Variants in SPTBN1 observed in about 807,000 individuals in gnomAD.
SPTBN1 encodes spectrin beta, non-erythrocytic 1, also known as spectrin beta chain, non-erythrocytic 1.
In SPTBN1, 32 loss-of-function variants were observed where a neutral mutation model predicts 266.4. The ratio of observed to expected loss-of-function variants is 0.12; its 90% CI spans 0.09 to 0.16. SPTBN1 has a LOEUF of 0.16. SPTBN1 is among the 10% of genes least tolerant of loss of function. The pLI, the probability that SPTBN1 is intolerant of heterozygous loss-of-function variation, is 1.00. For synonymous variants in SPTBN1, 1,336 were observed against 1,162.2 expected (o/e 1.15, Z -3.04); for missense variants, 2,296 against 3,067.1 (o/e 0.75, Z 5.94).
rs1472907842 is a variant in SPTBN1, at chr2:54,473,334, C to CTT, written c.-48+16816_-48+16817insTT. On this transcript the variant is annotated intron_variant, in intron 1 of 35. Coordinates refer to ENST00000356805, the MANE Select transcript of SPTBN1 (RefSeq NM_003128.3). Reference sequence around the variant, plus strand: ...ATAGAAAAATATTTCTTGGAAAATGCGTGTGTGGGCAGCTTCTTTTAGATG... The same window carrying CTT: ...ATAGAAAAATATTTCTTGGAAAATGCTTGTGTGTGGGCAGCTTCTTTTAGATG... 2.6e-5 allele frequency among the ~76,000 whole-genome samples: 4 copies of CTT among 152,202 alleles called. No individual in the cohort carries two copies. In the East Asian group the frequency reaches 7.7e-4, roughly 29 times the overall value.
intron 3 of SPTBN1, among the ~76,000 whole-genome samples, chr2:54,602,278 T>G (rs974852392): frequency 3.9e-5 from 6 of 152,198 alleles, no homozygotes; most frequent in African/African-American, 1.4e-4. Flanking sequence ...GCACAGAACC[T>G]GTGCTGGCCA....
chr2:54,608,710 GCATGCACA>G (rs1553340053), intron 3 of SPTBN1, among the ~76,000 whole-genome samples: 3 of 151,340 alleles, frequency 2.0e-5, no homozygotes, highest in Non-Finnish European at 4.4e-5. Flanking sequence ...ACGAGTGCGC[GCATGCACA>G]CACACAGTGG....
In SPTBN1 at chr2:54,631,580, C is replaced by A; in HGVS notation, c.3533C>A (p.Thr1178Lys). The A allele has an allele frequency of 1.9e-6, 3 of 1,612,778 alleles. No individual in the cohort carries two copies. In the South Asian group the frequency reaches 3.3e-5, roughly 18 times the overall value. Residue 1178 changes from threonine to lysine, a missense_variant, in exon 16 of 36, where the codon ACG becomes AAG. Physicochemically the swap from Thr to Lys is moderately conservative, Grantham distance 78 (BLOSUM62 -1). Around this residue, in one of 12 missense-constraint regions of SPTBN1, gnomAD observed 386 missense variants for 486.1 expected, o/e 0.79. Coordinates refer to ENST00000356805, the MANE Select transcript of SPTBN1 (RefSeq NM_003128.3). ...GCCTACCAGCAGTTCCTCAGAGACACGAAGCAAGCCGAAGCCTTTCTTAAC... is the reference window on the plus strand; with the variant it reads ...GCCTACCAGCAGTTCCTCAGAGACAAGAAGCAAGCCGAAGCCTTTCTTAAC... ...SHAYQQFLRD[T>K]KQAEAFLNNQ...
intron 17 of SPTBN1, among the ~76,000 whole-genome samples, chr2:54,634,509 C>T (rs1274046137): frequency 3.3e-5 from 5 of 152,132 alleles, no homozygotes; most frequent in Admixed American, 6.5e-5. Context: ...AGGAGAACTA[C>T]ATTTTCTTAT....
At chr2:54,457,039 C>T (rs1225514892) in intron 1 of SPTBN1, among the ~76,000 whole-genome samples, 3 of 151,576 alleles carry the variant, frequency 2.0e-5, no homozygotes, top group African/African-American at 7.3e-5. Context: ...CGTAGCGGTG[C>T]AGGGGATGCG....
At chr2:54,544,229 G>A (rs1341677401) in intron 2 of SPTBN1, among the ~76,000 whole-genome samples, 1 of 152,166 alleles carries the variant, frequency 6.6e-6, no homozygotes, top group African/African-American at 2.4e-5. Flanking sequence ...CTGGGTTCCA[G>A]GCAGTAATTG....
At position 54,648,971 on chromosome 2, in the gene SPTBN1, C is replaced by G. The variant is rs768339108; in HGVS notation, c.4998-15C>G. 10 of 1,574,840 alleles carry G rather than the reference C, an allele frequency of 6.3e-6. No individual in the cohort carries two copies. Among genetic ancestry groups the G allele is most frequent in the Non-Finnish European group, 8.7e-6 (10 of 1,154,138 alleles). ...TAAGATCCTTTTTCTCCCCATTGCT[C>G]CTTTTCTTTTTCAGTGAGCGCATTA... On this transcript the variant is annotated splice_polypyrimidine_tract_variant and intron_variant, in intron 24 of 35. Transcript: ENST00000356805.
At position 54,649,845 on chromosome 2, in the gene SPTBN1, C is replaced by T. The variant is rs530935104; in HGVS notation, c.5433C>T (p.Tyr1811=). 7 of 1,614,182 alleles carry T rather than the reference C, an allele frequency of 4.3e-6. No individual in the cohort carries two copies. The South Asian group carries it at 6.6e-5, about 15-fold the overall frequency. ...LAASYELHKF[Y]HDAKEIFGRI... is the part of the protein sequence containing the mutation. The stretch of plus-strand genomic sequence containing the variant: ...CTTCCTATGAACTGCACAAGTTTTA[C>T]CACGATGCCAAGGAGATCTTTGGGC... The change falls in exon 26 of 36, where the codon TAC becomes TAT. Residue 1811 remains tyrosine, a synonymous_variant. Transcript: ENST00000356805. This position sits in a 1 kb window ranked among gnomAD's most constrained non-coding sequence, Gnocchi z 6.7.
chr2:54,549,736 C>G (rs1367272165), intron 2 of SPTBN1, among the ~76,000 whole-genome samples: 1 of 152,178 alleles, frequency 6.6e-6, no homozygotes, highest in African/African-American at 2.4e-5. Flanking sequence ...ATCTGGGAAG[C>G]CTTCCTAGAG....
chr2:54,468,507 A>G (rs1468066340), intron 1 of SPTBN1, among the ~76,000 whole-genome samples: 2 of 152,186 alleles, frequency 1.3e-5, no homozygotes, highest in African/African-American at 2.4e-5. Flanking sequence ...TAATGACATG[A>G]TGATGTTCAG....
chr2:54,584,106 T>C (rs1420549644), intron 2 of SPTBN1, among the ~76,000 whole-genome samples: 5 of 152,218 alleles, frequency 3.3e-5, no homozygotes, highest in South Asian at 4.1e-4. Context: ...TTTAAACATA[T>C]ACATTCGTAG....
At chr2:54,518,547 C>T (rs1002879212) in intron 1 of SPTBN1, among the ~76,000 whole-genome samples, 11 of 151,810 alleles carry the variant, frequency 7.2e-5, no homozygotes, top group Middle Eastern at 6.8e-3. Flanking sequence ...CTCAGACACA[C>T]GATTTGCAGT....
At chr2:54,560,436 A>ATAACAAAAGGCTGT (rs1260575037) in intron 2 of SPTBN1, among the ~76,000 whole-genome samples, 21 of 152,308 alleles carry the variant, frequency 1.4e-4, no homozygotes, top group African/African-American at 5.1e-4. Flanking sequence ...AGGCCCACCC[A>ATAACAAAAGGCTGT]TAACAAAAGG....
intron 1 of SPTBN1, among the ~76,000 whole-genome samples, chr2:54,505,360 A>G: frequency 6.6e-6 from 1 of 152,212 alleles, no homozygotes; most frequent in Non-Finnish European, 1.5e-5. Flanking sequence ...CAAGATGGTC[A>G]TTTAACAGGT....
At position 54,637,715 on chromosome 2, in the gene SPTBN1, A is replaced by G. The variant is rs1046870401; in HGVS notation, c.3770A>G (p.His1257Arg). 1.9e-6 allele frequency: 3 copies of G among 1,612,398 alleles called. No homozygotes were observed. In the African/African-American group the frequency reaches 4.0e-5, roughly 22 times the overall value. The change falls in exon 18 of 36, where the codon CAT (histidine) becomes CGT (arginine). Residue 1257 changes from histidine (H) to arginine (R), a missense_variant and splice_region_variant. Around this residue, in one of 12 missense-constraint regions of SPTBN1, gnomAD observed 386 missense variants for 486.1 expected, o/e 0.79. Coordinates refer to ENST00000356805, the MANE Select transcript of SPTBN1 (RefSeq NM_003128.3). ...TATTTTTGTTACCATTCTAATAGAC[A>G]TAGGAAGAATCGTGAGACAGCCAGT... ...QEKVDSIDDR[H>R]RKNRETASEL...
Position 54,631,258 on chromosome 2 carries a change from T to C in SPTBN1, c.3211T>C (p.Leu1071=). The C allele has an allele frequency of 1.2e-6, 2 of 1,614,152 alleles. No individual in the cohort carries two copies. The highest frequency in any genetic ancestry group is 8.5e-7 in the Non-Finnish European group (1 of 1,179,994). The change falls in exon 16 of 36, where the codon TTG becomes CTG. Residue 1071 remains leucine, a synonymous_variant. Coordinates refer to ENST00000356805, the MANE Select transcript of SPTBN1 (RefSeq NM_003128.3). ...ASKLQQFLRD[L]DDFQSWLSRT... ...CAAGCTGCAGCAGTTCCTACGGGAC[T>C]TGGACGACTTCCAGTCCTGGCTCTC...
rs150431948 is a variant in SPTBN1, at chr2:54,659,845, T to C, written c.6357-91T>C. 108 of 1,497,828 alleles carry C rather than the reference T, an allele frequency of 7.2e-5. No individual in the cohort carries two copies. The African/African-American group carries it at 1.3e-3, about 19-fold the overall frequency. 92.8% of individuals were successfully genotyped at this position (1,497,828 alleles called of 1,614,324 possible). A position where few individuals can be genotyped will look rare whatever the true frequency, so the allele number is the denominator to read the frequency against. On this transcript the variant is annotated intron_variant, in intron 31 of 35. Coordinates refer to ENST00000356805, the MANE Select transcript of SPTBN1 (RefSeq NM_003128.3). ...TGTGAAAAGGTTGCACGTAATAAAA[T>C]TGAGTGATGATGTTCTCCCACCCTT...
intron 2 of SPTBN1, among the ~76,000 whole-genome samples, chr2:54,593,255 C>T (rs569452758): frequency 6.6e-6 from 1 of 152,214 alleles, no homozygotes; most frequent in African/African-American, 2.4e-5. Context: ...TTCCTAGGTT[C>T]TCGGGGCTCC....
intron 2 of SPTBN1, among the ~76,000 whole-genome samples, chr2:54,590,988 G>T (rs762186402): frequency 5.3e-5 from 8 of 152,208 alleles, no homozygotes; most frequent in African/African-American, 1.9e-4. Flanking sequence ...GGGGAGTTCA[G>T]TTGGGGTCTG....
Sources: allele counts gnomAD v4.1 joint callset (sites outside exome capture counted in the v4.1 genomes callset), GRCh38; gene constraint gnomAD v4.1.1; regional missense constraint gnomAD v4.1.1; non-coding constraint Gnocchi (gnomAD v3.1); transcripts MANE v1.5; gene names NCBI Gene and HGNC (gene_info 2026-07-23, HGNC 2026-07-21).